The following UBR1 variants were observed in gnomAD, a reference collection of about 807,000 sequenced individuals.
UBR1 encodes the protein E3 ubiquitin-protein ligase UBR1.
UBR1 carries 102 observed loss-of-function variants against 242.1 expected under a neutral mutation model. That is an observed-to-expected ratio of 0.42 (90% CI 0.36 to 0.50). The LOEUF (loss-of-function observed/expected upper bound fraction) is 0.50. Among genes scored for constraint, UBR1 ranks in the 20% least tolerant of loss-of-function variants. The pLI, the probability that UBR1 is intolerant of heterozygous loss-of-function variation, is 0.01. For synonymous variants in UBR1, 675 were observed against 684.8 expected, an observed-to-expected ratio of 0.99 and a Z score of 0.22; for missense variants, 1,772 against 2,101.8, an observed-to-expected ratio of 0.84 and a Z score of 3.07.
chr15:43,019,002 T>A (rs1172824915), intron 27 of UBR1, among the ~76,000 whole-genome samples: 1 of 152,230 alleles, frequency 6.6e-6, no homozygotes, highest in Non-Finnish European at 1.5e-5. Flanking sequence ...TAATATTGGC[T>A]AGTTTAACAC....
intron 37 of UBR1, among the ~76,000 whole-genome samples, chr15:42,981,881 A>C (rs181857220): frequency 6.6e-6 from 1 of 152,354 alleles, no homozygotes; most frequent in Non-Finnish European, 1.5e-5. Flanking sequence ...TGATAGCCCT[A>C]ACATCTTACA....
At chr15:42,953,102 C>T (rs2031861928) in intron 44 of UBR1, among the ~76,000 whole-genome samples, 2 of 152,080 alleles carry the variant, frequency 1.3e-5, no homozygotes, top group Non-Finnish European at 1.5e-5. Context: ...CCCAGCCTTC[C>T]ATCTGGGAAT....
intron 34 of UBR1, 139 bp from the exon 35 acceptor site, chr15:42,989,106 G>C (rs1200734223): frequency 4.2e-6 from 3 of 722,446 alleles, no homozygotes; most frequent in Non-Finnish European, 6.7e-6. Flanking sequence ...TTAGAGATTA[G>C]AGCCTCCAAA....
chr15:43,007,371 G>A, intron 29 of UBR1, 87 bp from the exon 30 acceptor site: 3 of 1,077,786 alleles, frequency 2.8e-6, no homozygotes, highest in South Asian at 1.4e-5. Context: ...CTATAGGCAA[G>A]AAATATAAGA....
rs1253300095 is a variant in UBR1, at chr15:43,007,136, C to T, written c.3358G>A (p.Val1120Ile). 7 of 1,614,084 alleles carry T rather than the reference C, an allele frequency of 4.3e-6. No homozygotes were observed. Among genetic ancestry groups the T allele is most frequent in the Non-Finnish European group, 5.9e-6 (7 of 1,180,010 alleles). The change falls in exon 30 of 47, where the codon GTC (valine) becomes ATC (isoleucine). Residue 1120 changes from valine to isoleucine, a missense_variant. Coordinates refer to ENST00000290650, the MANE Select transcript of UBR1 (RefSeq NM_174916.3). ...TGGGTTAAGGCAGTAGATTTCTGGACACAGGCCGATAATACCATGGCATTA... is the reference window on the plus strand; with the variant it reads ...TGGGTTAAGGCAGTAGATTTCTGGATACAGGCCGATAATACCATGGCATTA... ...ENNAMVLSAC[V>I]QKSTALTQHR...
chr15:43,099,347 C>G (rs1451582295), intron 1 of UBR1, among the ~76,000 whole-genome samples: 3 of 151,990 alleles, frequency 2.0e-5, no homozygotes, highest in Non-Finnish European at 4.4e-5. Context: ...AAAAAAAGTT[C>G]CCCTACAGAT....
In UBR1 at chr15:43,003,912, A is replaced by C; in HGVS notation, c.3434T>G (p.Phe1145Cys). ...TCCATATGCCAAGTCTGGATCCATG[A>C]AAAGTGGGTCTAGGGCTTCTGGTAC... ...ELSGEALDPL[F>C]MDPDLAYGTY... is the part of the protein sequence containing the mutation. Residue 1145 changes from phenylalanine (F) to cysteine (C), a missense_variant, in exon 31 of 47, where the codon TTC becomes TGC. This residue lies in a region of UBR1 where 965 missense variants were observed against 1,079.7 expected (regional missense o/e 0.89). Transcript: ENST00000290650. 1.2e-6 allele frequency: 2 copies of C among 1,614,128 alleles called. No homozygotes were observed. The highest frequency in any genetic ancestry group is 1.1e-5 in the South Asian group (1 of 91,084).
intron 14 of UBR1, 25 bp downstream of exon 14, chr15:43,047,136 G>C: frequency 6.2e-7 from 1 of 1,613,672 alleles, no homozygotes; most frequent in East Asian, 2.2e-5. Flanking sequence ...AAAAGGCACT[G>C]ATCCTACTAA....
chr15:42,964,035 C>T lies in UBR1; in HGVS notation c.4600G>A (p.Glu1534Lys), dbSNP rs761660385. 9 of 1,603,850 alleles carry T rather than the reference C, an allele frequency of 5.6e-6. No individual in the cohort carries two copies. The highest frequency in any genetic ancestry group is 7.7e-6 in the Non-Finnish European group (9 of 1,171,000). The change falls in exon 42 of 47, where the codon GAA becomes AAA. Residue 1534 changes from glutamate (E) to lysine (K), a missense_variant. This residue lies in a region of UBR1 where 965 missense variants were observed against 1,079.7 expected (regional missense o/e 0.89). Transcript: ENST00000290650. ...PPEELHTNSA[E>K]GEYSALCSYL... is the part of the protein sequence containing the mutation. ...CTACAGAGTGCACTGTACTCTCCTT[C>T]TGCAGAATCTGCAAGAGAATAAAAA...
intron 39 of UBR1, among the ~76,000 whole-genome samples, chr15:42,971,500 T>G (rs186045927): frequency 1.3e-5 from 2 of 152,222 alleles, no homozygotes; most frequent in East Asian, 3.8e-4. Flanking sequence ...GGTATAGTTA[T>G]AGCACATTTG....
intron 23 of UBR1, 135 bp downstream of exon 23, chr15:43,026,408 AAGATTATTGATTCAATTT>A: frequency 1.6e-6 from 1 of 630,888 alleles, no homozygotes; most frequent in Non-Finnish European, 2.8e-6. Context: ...TATACTAGAT[AAGATTATTGATTCAATTT>A]TAATTCTTGG....
chr15:42,965,735 G>C (rs2032095491), intron 41 of UBR1, among the ~76,000 whole-genome samples: 1 of 152,136 alleles, frequency 6.6e-6, no homozygotes. Flanking sequence ...CCAAAATGTT[G>C]GGATTATAGG....
chr15:43,074,444 T>C (rs1024483031), intron 4 of UBR1, among the ~76,000 whole-genome samples: 6 of 152,222 alleles, frequency 3.9e-5, no homozygotes, highest in Non-Finnish European at 7.3e-5. Flanking sequence ...ACTATTTTCC[T>C]TTTTGAGATA....
At chr15:43,000,127 A>C (rs992566693) in intron 32 of UBR1, among the ~76,000 whole-genome samples, 3 of 152,190 alleles carry the variant, frequency 2.0e-5, no homozygotes, top group African/African-American at 4.8e-5. Context: ...TTTTATCTTT[A>C]CTATCTTAGA....
Position 43,043,277 on chromosome 15 carries a change from T to A in UBR1, c.1787A>T (p.Lys596Met), listed in dbSNP as rs34568456. ...AAGATCCTCAGATACTCTGTAGGACTTTGTTTCCAAACTATGTCCACACGA... is the reference window on the plus strand; with the variant it reads ...AAGATCCTCAGATACTCTGTAGGACATTGTTTCCAAACTATGTCCACACGA... ...VQSCGHSLETKSYRVSEDLVS... is the reference protein window; with the variant it reads ...VQSCGHSLETMSYRVSEDLVS... The change falls in exon 15 of 47, where the codon AAG becomes ATG. Residue 596 changes from lysine to methionine, a missense_variant. By Grantham distance (95) the Lys-to-Met change is moderately conservative. This residue lies in a region of UBR1 where 734 missense variants were observed against 893.3 expected (regional missense o/e 0.82). Coordinates refer to ENST00000290650, the MANE Select transcript of UBR1 (RefSeq NM_174916.3). 7.5e-4 allele frequency: 1,207 copies of A among 1,614,138 alleles called. 2 individuals carry two copies. The African/African-American group carries it at 0.012, about 17-fold the overall frequency.
intron 23 of UBR1, 172 bp from the exon 24 acceptor site, chr15:43,025,601 T>G: frequency 1.7e-6 from 1 of 600,662 alleles, no homozygotes; most frequent in Non-Finnish European, 2.9e-6. Context: ...AGAAACCTAA[T>G]GCAAAATAGA....
intron 2 of UBR1, among the ~76,000 whole-genome samples, chr15:43,085,243 T>G (rs1436807781): frequency 6.6e-6 from 1 of 152,252 alleles, no homozygotes; most frequent in Non-Finnish European, 1.5e-5. Context: ...CTACTTGTTA[T>G]GAATATTCAC....
At chr15:43,068,115 T>C in intron 5 of UBR1, 79 bp from the exon 6 acceptor site, 1 of 955,132 alleles carries the variant, frequency 1.0e-6, no homozygotes, top group South Asian at 1.6e-5. Context: ...AAAGACAAAA[T>C]TAATACATAA....
chr15:42,961,442 T>A (rs892729922), intron 42 of UBR1, among the ~76,000 whole-genome samples: 2 of 148,796 alleles, frequency 1.3e-5, no homozygotes, highest in Non-Finnish European at 3.0e-5. Flanking sequence ...TTTTTTTTTT[T>A]AGATGGAGTC....
Sources: allele counts gnomAD v4.1 joint callset (sites outside exome capture counted in the v4.1 genomes callset), GRCh38; gene constraint gnomAD v4.1.1; regional missense constraint gnomAD v4.1.1; transcripts MANE v1.5; gene names NCBI Gene and HGNC (gene_info 2026-07-23, HGNC 2026-07-21).